PPP2R5A: variants seen among roughly 807,000 people sequenced by gnomAD.
PPP2R5A encodes the protein serine/threonine-protein phosphatase 2A 56 kDa regulatory subunit alpha isoform.
In PPP2R5A, 25 loss-of-function variants were observed where a neutral mutation model predicts 64.2. That is an observed-to-expected ratio of 0.39 (90% CI 0.28 to 0.54). The LOEUF is 0.54. Among genes scored for constraint, PPP2R5A ranks in the 20% least tolerant of loss-of-function variants. The pLI, the probability that PPP2R5A is intolerant of heterozygous loss-of-function variation, is 0.67. For synonymous variants in PPP2R5A, 198 were observed against 201.2 expected, an observed-to-expected ratio of 0.98 and a Z score of 0.13; for missense variants, 425 against 576.3, an observed-to-expected ratio of 0.74 and a Z score of 2.69.
chr1:212,312,903 A>G (rs1659065006), intron 1 of PPP2R5A, among the ~76,000 whole-genome samples: 1 of 152,238 alleles, frequency 6.6e-6, no homozygotes, highest in Non-Finnish European at 1.5e-5. Flanking sequence ...TATGCCAGGA[A>G]TGCAAGGCTG....
At chr1:212,288,872 TAC>T (rs1658551869) in intron 1 of PPP2R5A, among the ~76,000 whole-genome samples, 2 of 151,986 alleles carry the variant, frequency 1.3e-5, no homozygotes, top group Admixed American at 6.5e-5. Flanking sequence ...CTGCTTATGT[TAC>T]TTTGACCACA....
intron 1 of PPP2R5A, among the ~76,000 whole-genome samples, chr1:212,318,098 C>T (rs1659193549): frequency 1.3e-5 from 2 of 152,120 alleles, no homozygotes; most frequent in Non-Finnish European, 2.9e-5. Flanking sequence ...TGTGCCTTTC[C>T]CTAGAGTTAT....
intron 1 of PPP2R5A, among the ~76,000 whole-genome samples, chr1:212,287,491 G>C (rs1449810763): frequency 6.6e-6 from 1 of 152,206 alleles, no homozygotes; most frequent in Non-Finnish European, 1.5e-5. Flanking sequence ...ACCTACAACA[G>C]CTCCAGAACC....
chr1:212,342,498 T>C (rs1471244491), intron 4 of PPP2R5A, among the ~76,000 whole-genome samples: 1 of 152,242 alleles, frequency 6.6e-6, no homozygotes, highest in Non-Finnish European at 1.5e-5. Flanking sequence ...CAAATTATCC[T>C]ATTTAATCCT....
chr1:212,346,040 CA>C, intron 5 of PPP2R5A, 107 bp downstream of exon 5: 2 of 1,155,354 alleles, frequency 1.7e-6, no homozygotes, highest in Non-Finnish European at 2.4e-6. Context: ...CTCACTCTGT[CA>C]TCCAGGCTGG....
intron 1 of PPP2R5A, among the ~76,000 whole-genome samples, chr1:212,289,789 T>A (rs1330850610): frequency 6.6e-6 from 1 of 152,210 alleles, no homozygotes; most frequent in Non-Finnish European, 1.5e-5. Flanking sequence ...ATAGGATTAC[T>A]TACTTAAATG....
At chr1:212,296,192 G>GA (rs1658688475) in intron 1 of PPP2R5A, among the ~76,000 whole-genome samples, 1 of 144,818 alleles carries the variant, frequency 6.9e-6, no homozygotes, top group South Asian at 2.2e-4. Context: ...GGGTGGATAG[G>GA]AATGTGTCCC....
At chr1:212,345,185 G>A (rs1013718870) in intron 4 of PPP2R5A, among the ~76,000 whole-genome samples, 1 of 150,296 alleles carries the variant, frequency 6.7e-6, no homozygotes, top group African/African-American at 2.4e-5. Flanking sequence ...AAAAAAATTT[G>A]GCCTCATCTT....
Position 212,360,929 on chromosome 1 carries a change from G to C in PPP2R5A, c.*159G>C. 1.9e-6 allele frequency: 1 copy of C among 536,756 alleles called. No individual in the cohort carries two copies. The highest frequency in any genetic ancestry group is 3.0e-6 in the Non-Finnish European group (1 of 335,990). The allele number at this position is 536,756 out of a possible 1,614,324, so 33.2% of individuals were successfully genotyped here. A position where few individuals can be genotyped will look rare whatever the true frequency, so the allele number is the denominator to read the frequency against. ...AAATATATGGACTAAACGTAGCCCT[G>C]TGCTGTATCATGGCCATAGTATATT... On this transcript the variant is annotated 3_prime_UTR_variant, in exon 13 of 13. Coordinates refer to ENST00000261461, the MANE Select transcript of PPP2R5A (RefSeq NM_006243.4).
At chr1:212,296,333 A>G (rs1423570653) in intron 1 of PPP2R5A, among the ~76,000 whole-genome samples, 1 of 152,220 alleles carries the variant, frequency 6.6e-6, no homozygotes, top group Non-Finnish European at 1.5e-5. Flanking sequence ...ATCACTGCAT[A>G]TGTGAATCAA....
At chr1:212,356,104 T>G (rs1571614243) in intron 8 of PPP2R5A, among the ~76,000 whole-genome samples, 1 of 152,214 alleles carries the variant, frequency 6.6e-6, no homozygotes, top group East Asian at 1.9e-4. Flanking sequence ...TTTGTTTCAT[T>G]GTATTCTGGT....
chr1:212,342,902 C>T lies in PPP2R5A; in HGVS notation c.573+622C>T, dbSNP rs1418087131. ...GTTATTTTTGGAACCTACATATTCA[C>T]AATTTCTAAGAATATATTCATTTTC... On this transcript the variant is annotated intron_variant, in intron 4 of 12. Transcript: ENST00000261461. Among the ~76,000 whole-genome samples, 2 of 151,960 alleles carry T rather than the reference C, an allele frequency of 1.3e-5. 1 individual carries two copies. Among genetic ancestry groups the T allele is most frequent in the Admixed American group, 1.3e-4 (2 of 15,242 alleles).
chr1:212,355,804 TTAAA>T (rs1396449797), intron 8 of PPP2R5A, among the ~76,000 whole-genome samples: 5 of 152,134 alleles, frequency 3.3e-5, no homozygotes, highest in Non-Finnish European at 7.4e-5. Flanking sequence ...CTTTGTTTAT[TTAAA>T]TAAATAGTCT....
At chr1:212,347,686 C>G (rs1430076180) in intron 6 of PPP2R5A, among the ~76,000 whole-genome samples, 1 of 151,912 alleles carries the variant, frequency 6.6e-6, no homozygotes, top group Non-Finnish European at 1.5e-5. Flanking sequence ...ATTACAGGTG[C>G]CTGCCACCAC....
chr1:212,321,762 C>T (rs1290736710), intron 1 of PPP2R5A, among the ~76,000 whole-genome samples: 8 of 151,278 alleles, frequency 5.3e-5, no homozygotes, highest in African/African-American at 1.2e-4. Context: ...CAGGCAGAGA[C>T]GCTCCTCACT....
At chr1:212,328,519 G>A (rs1001865153) in intron 1 of PPP2R5A, among the ~76,000 whole-genome samples, 6 of 152,188 alleles carry the variant, frequency 3.9e-5, no homozygotes, top group Non-Finnish European at 8.8e-5. Context: ...ACAGTAGACA[G>A]CTGTACTTTG....
At chr1:212,290,724 T>G (rs1461482954) in intron 1 of PPP2R5A, among the ~76,000 whole-genome samples, 6 of 152,230 alleles carry the variant, frequency 3.9e-5, no homozygotes, top group Non-Finnish European at 7.3e-5. Context: ...AGTGTCTAAC[T>G]GAATAAAGTG....
rs1660071519 is a variant in PPP2R5A, at chr1:212,361,028, T to C, written c.*258T>C. 3.8e-6 allele frequency: 1 copy of C among 264,626 alleles called. No individual in the cohort carries two copies. Among genetic ancestry groups the C allele is most frequent in the Non-Finnish European group, 7.1e-6 (1 of 140,936 alleles). The allele number at this position is 264,626 out of a possible 1,614,324, so 16.4% of individuals were successfully genotyped here. On this transcript the variant is annotated 3_prime_UTR_variant, in exon 13 of 13. Transcript: ENST00000261461. ...ACAGAAATGAATGAATTTTATCATCTATGATATGAGTGAGATAATTATGGG... is the reference window on the plus strand; with the variant it reads ...ACAGAAATGAATGAATTTTATCATCCATGATATGAGTGAGATAATTATGGG...
intron 1 of PPP2R5A, among the ~76,000 whole-genome samples, chr1:212,304,942 A>G (rs1658868163): frequency 6.6e-6 from 1 of 151,582 alleles, no homozygotes; most frequent in Non-Finnish European, 1.5e-5. Flanking sequence ...CATGTTGGCC[A>G]GGATGGTCTT....
Sources: allele counts gnomAD v4.1 joint callset (sites outside exome capture counted in the v4.1 genomes callset), GRCh38; gene constraint gnomAD v4.1.1; transcripts MANE v1.5; gene names NCBI Gene and HGNC (gene_info 2026-07-23, HGNC 2026-07-21).